The following CALD1 variants were observed in gnomAD, a reference collection of about 807,000 sequenced individuals.
The protein encoded by CALD1 is caldesmon 1.
A neutral mutation model predicts 99.9 loss-of-function variants in CALD1; 33 were observed. The observed-to-expected ratio is 0.33, with a 90% CI of 0.25 to 0.44. The LOEUF (loss-of-function observed/expected upper bound fraction) is 0.44. Among genes scored for constraint, CALD1 ranks in the 20% least tolerant of loss-of-function variants. The pLI is 1.00. For missense variants in CALD1, 861 were observed against 962.1 expected (o/e 0.89, Z 1.39); for synonymous variants, 310 against 325.0 (o/e 0.95, Z 0.50).
the CALD1 span, among the ~76,000 whole-genome samples, chr7:134,738,892 T>A: frequency 6.6e-6 from 1 of 152,232 alleles, no homozygotes; most frequent in South Asian, 2.1e-4. Flanking sequence ...CTTAATTGTG[T>A]CCACTAATCA....
intron 1 of CALD1, among the ~76,000 whole-genome samples, chr7:134,790,377 C>A (rs566013858): frequency 6.6e-6 from 1 of 152,172 alleles, no homozygotes; most frequent in African/African-American, 2.4e-5. Flanking sequence ...AATAACTTGC[C>A]CAAAGTCACA....
At chr7:134,733,956 CTA>C in the CALD1 span, among the ~76,000 whole-genome samples, 2 of 150,736 alleles carry the variant, frequency 1.3e-5, no homozygotes, top group Non-Finnish European at 3.0e-5. Context: ...TATAAATTTG[CTA>C]TATTATAGTA....
chr7:134,872,376 A>C (rs1026473183), intron 3 of CALD1, among the ~76,000 whole-genome samples: 2 of 132,260 alleles, frequency 1.5e-5, no homozygotes, highest in African/African-American at 6.2e-5. Flanking sequence ...AAAAAAAAAA[A>C]AAAAAACTTC....
chr7:134,929,646 GTATA>G (rs1159515485), intron 4 of CALD1, among the ~76,000 whole-genome samples: 3 of 7,912 alleles, frequency 3.8e-4, no homozygotes, highest in Admixed American at 1.4e-3. Flanking sequence ...GTGTGTGTGT[GTATA>G]TATATATATA....
At chr7:134,764,142 A>T (rs1178350844) in intron 1 of CALD1, among the ~76,000 whole-genome samples, 1 of 152,022 alleles carries the variant, frequency 6.6e-6, no homozygotes, top group Non-Finnish European at 1.5e-5. Flanking sequence ...CTGTATCATT[A>T]GCTCCCCTTT....
chr7:134,861,729 G>A (rs1294726276), intron 2 of CALD1, among the ~76,000 whole-genome samples: 1 of 152,172 alleles, frequency 6.6e-6, no homozygotes, highest in Non-Finnish European at 1.5e-5. Context: ...TTTTTGTGAG[G>A]CCTCACTGAA....
At chr7:134,739,609 A>T (rs192241620), upstream of CALD1, among the ~76,000 whole-genome samples, 12 of 152,300 alleles carry the variant, frequency 7.9e-5, no homozygotes, top group East Asian at 5.8e-4. Context: ...ACATGCCATC[A>T]TCTGTCTCCT....
chr7:134,824,311 C>T (rs1348254880), intron 1 of CALD1, among the ~76,000 whole-genome samples: 1 of 152,200 alleles, frequency 6.6e-6, no homozygotes, highest in Non-Finnish European at 1.5e-5. Flanking sequence ...AACTGGTTTT[C>T]AATCAAATCT....
the CALD1 span, among the ~76,000 whole-genome samples, chr7:134,732,043 A>T: frequency 5.9e-5 from 9 of 152,068 alleles, no homozygotes; most frequent in East Asian, 1.7e-3. Context: ...AAGTCCTATC[A>T]ATTTTGTTGA....
Position 134,933,387 on chromosome 7 carries a change from T to G in CALD1, c.618T>G (p.Asn206Lys). 1 of 1,609,850 alleles carries G rather than the reference T, an allele frequency of 6.2e-7. No homozygotes were observed. The change falls in exon 5 of 15, where the codon AAT becomes AAG. Residue 206 changes from asparagine (N) to lysine (K), a missense_variant. Coordinates refer to ENST00000361675, the MANE Select transcript of CALD1 (RefSeq NM_033138.4). ...EKPKRGSIGE[N>K]QVEVMVEEKT... ...CAAAGCGAGGGAGCATTGGAGAAAA[T>G]CAGGTAGAGGTGATGGTGGAAGAGA... is the stretch of plus-strand genomic sequence containing the variant.
intron 3 of CALD1, among the ~76,000 whole-genome samples, chr7:134,915,006 A>G (rs545133271): frequency 6.6e-6 from 1 of 152,186 alleles, no homozygotes; most frequent in South Asian, 2.1e-4. Flanking sequence ...TTCAATAAAT[A>G]TCTGTTGAAT....
At chr7:134,829,762 G>C (rs1281462757) in intron 1 of CALD1, among the ~76,000 whole-genome samples, 2 of 152,202 alleles carry the variant, frequency 1.3e-5, no homozygotes, top group African/African-American at 4.8e-5. Flanking sequence ...GTAATTGTTT[G>C]CAGATGGCTG....
chr7:134,933,346 G>A lies in CALD1; in HGVS notation c.577G>A (p.Glu193Lys). 1 of 1,604,248 alleles carries A rather than the reference G, an allele frequency of 6.2e-7. No homozygotes were observed. Among genetic ancestry groups the A allele is most frequent in the Non-Finnish European group, 8.5e-7 (1 of 1,175,298 alleles). The change falls in exon 5 of 15, where the codon GAG (glutamate) becomes AAG (lysine). Residue 193 changes from glutamate (E) to lysine (K), a missense_variant. By Grantham distance (56) the Glu-to-Lys change is moderately conservative. This residue lies in a region of CALD1 where 234 missense variants were observed against 233.1 expected (regional missense o/e 1.00). Transcript: ENST00000361675. ...GAAAGAAGACAAGGAAAAGGAGGAG[G>A]AGGAAGAGGAGAAGCCAAAGCGAGG... ...NKKEDKEKEE[E>K]EEEKPKRGSI...
At chr7:134,833,932 C>A (rs1307757728) in intron 1 of CALD1, among the ~76,000 whole-genome samples, 1 of 152,130 alleles carries the variant, frequency 6.6e-6, no homozygotes, top group Non-Finnish European at 1.5e-5. Flanking sequence ...ATGACATTCA[C>A]AGAAAAGACC....
At chr7:134,906,458 G>A (rs1329007090) in intron 3 of CALD1, among the ~76,000 whole-genome samples, 1 of 152,164 alleles carries the variant, frequency 6.6e-6, no homozygotes, top group East Asian at 1.9e-4. Flanking sequence ...ATTCAATGTT[G>A]TTCTAAGGAT....
At chr7:134,844,029 C>T (rs1019174205) in intron 2 of CALD1, 58 bp downstream of exon 2, 2 of 152,146 alleles carry the variant, frequency 1.3e-5, no homozygotes, top group African/African-American at 4.8e-5. Flanking sequence ...AATTACACAG[C>T]CTCTGTGCCT....
At chr7:134,845,942 T>C (rs528513394) in intron 2 of CALD1, among the ~76,000 whole-genome samples, 1 of 152,366 alleles carries the variant, frequency 6.6e-6, no homozygotes, top group South Asian at 2.1e-4. Flanking sequence ...TTGTTCCTTC[T>C]CTGTCCTGTC....
intron 13 of CALD1, among the ~76,000 whole-genome samples, chr7:134,962,653 A>C (rs1254577719): frequency 6.6e-6 from 1 of 152,190 alleles, no homozygotes; most frequent in African/African-American, 2.4e-5. Flanking sequence ...TGTGGGTAGA[A>C]TTTATAGGAT....
chr7:134,726,196 A>G, the CALD1 span, among the ~76,000 whole-genome samples: 6 of 151,720 alleles, frequency 4.0e-5, no homozygotes, highest in Non-Finnish European at 5.9e-5. Context: ...ATGCAAAAAA[A>G]GCTGAGAAAT....
Sources: gnomAD v4.1 joint callset for allele counts (sites outside exome capture counted in the v4.1 genomes callset) on GRCh38, gnomAD v4.1.1 for gene constraint, gnomAD v4.1.1 regional missense constraint, MANE v1.5 for transcripts, NCBI Gene and HGNC (gene_info 2026-07-23, HGNC 2026-07-21) for gene names.